GIGYF2: variants seen among roughly 807,000 people sequenced by gnomAD.
GIGYF2 encodes GRB10 interacting GYF protein 2, also known as GRB10-interacting GYF protein 2.
In GIGYF2, 25 loss-of-function variants were observed where a neutral mutation model predicts 208.1. The ratio of observed to expected loss-of-function variants is 0.12; its 90% confidence interval spans 0.09 to 0.17. GIGYF2 has a LOEUF of 0.17. GIGYF2 is among the 10% of genes least tolerant of loss of function. The pLI, the probability that GIGYF2 is intolerant of heterozygous loss-of-function variation, is 1.00. For synonymous variants in GIGYF2, 534 were observed against 543.8 expected, an observed-to-expected ratio of 0.98 and a Z score of 0.25; for missense variants, 1,302 against 1,579.4, an observed-to-expected ratio of 0.82 and a Z score of 2.98.
In GIGYF2 at chr2:232,777,421, C is replaced by T. The variant is rs976189915; in HGVS notation, c.533-9729C>T. 2.0e-5 allele frequency among the ~76,000 whole-genome samples: 3 copies of T among 152,118 alleles called. No homozygotes were observed. The East Asian group carries it at 5.8e-4, about 29-fold the overall frequency. ...TGGCTTTGTGCAGTGCCTTAGTGAA[C>T]AGTACTTTTCTCCTCCTCCGTTAGC... On this transcript the variant is annotated intron_variant, in intron 8 of 28. Coordinates refer to ENST00000373563, the MANE Select transcript of GIGYF2 (RefSeq NM_001103146.3).
At chr2:232,814,890 A>T (rs1427439941) in intron 18 of GIGYF2, among the ~76,000 whole-genome samples, 1 of 152,214 alleles carries the variant, frequency 6.6e-6, no homozygotes, top group Non-Finnish European at 1.5e-5. Context: ...GTATAAATAG[A>T]CTATGATAGG....
At chr2:232,745,260 G>A (rs1698108572) in intron 3 of GIGYF2, among the ~76,000 whole-genome samples, 1 of 152,132 alleles carries the variant, frequency 6.6e-6, no homozygotes, top group Non-Finnish European at 1.5e-5. Context: ...CAGAACCCAG[G>A]TTGTGGTATT....
rs1364219168 is a variant in GIGYF2 at position 232,857,933 on chromosome 2, AAC to A, written c.*1075_*1076del. ...AGTTGTTTGCCTTTTCTGAAAAGAG[AAC>A]ATACAGAACCTGTCCATCTTTAAGA... is the stretch of plus-strand genomic sequence containing the variant. On this transcript the variant is annotated 3_prime_UTR_variant, in exon 29 of 29. Coordinates refer to ENST00000373563, the MANE Select transcript of GIGYF2 (RefSeq NM_001103146.3). The A allele has an allele frequency of 6.5e-6, 1 of 152,750 alleles. No individual in the cohort carries two copies. The highest frequency in any genetic ancestry group is 1.5e-5 in the Non-Finnish European group (1 of 68,190). 9.5% of individuals were successfully genotyped at this position (152,750 alleles called of 1,614,324 possible).
intron 3 of GIGYF2, among the ~76,000 whole-genome samples, chr2:232,738,752 ATT>A (rs1697844404): frequency 6.6e-6 from 1 of 152,182 alleles, no homozygotes; most frequent in African/African-American, 2.4e-5. Flanking sequence ...CCCTTGAACA[ATT>A]TTGTTTTTAT....
At chr2:232,797,864 C>T (rs559638861) in intron 14 of GIGYF2, among the ~76,000 whole-genome samples, 26 of 151,890 alleles carry the variant, frequency 1.7e-4, no homozygotes, top group African/African-American at 6.0e-4. Context: ...GCCTGTAGTC[C>T]CAGCTACTTA....
chr2:232,812,328 C>T, intron 17 of GIGYF2, 63 bp from the exon 18 acceptor site: 1 of 770,642 alleles, frequency 1.3e-6, no homozygotes. Flanking sequence ...AATTCCTCTT[C>T]ATCTTTTTTT....
chr2:232,748,092 G>A (rs1475702126), intron 4 of GIGYF2, among the ~76,000 whole-genome samples: 1 of 152,042 alleles, frequency 6.6e-6, no homozygotes, highest in Non-Finnish European at 1.5e-5. Flanking sequence ...TATCCTACTT[G>A]CCACTTAAAA....
At chr2:232,698,648 G>A (rs1695713145) in intron 1 of GIGYF2, among the ~76,000 whole-genome samples, 3 of 152,190 alleles carry the variant, frequency 2.0e-5, no homozygotes, top group Admixed American at 2.0e-4. Context: ...TTTCTGATGT[G>A]CTCAAACTGG....
chr2:232,746,071 A>G (rs1039056373), intron 3 of GIGYF2, among the ~76,000 whole-genome samples: 1 of 152,096 alleles, frequency 6.6e-6, no homozygotes, highest in African/African-American at 2.4e-5. Flanking sequence ...TAGGTTGGGC[A>G]ATATAGTGAG....
rs556987418 is a variant in GIGYF2 at position 232,790,808 on chromosome 2, A to C, written c.823A>C (p.Ser275Arg). ...ERGYRRVRSG[S>R]GSIDDDRDSL... ...GGGTTACCGAAGGGTTCGCTCTGGC[A>C]GTGGGAGCATAGATGATGACAGGGA... The change falls in exon 10 of 29, where the codon AGT becomes CGT. Residue 275 changes from serine to arginine, a missense_variant. Coordinates refer to ENST00000373563, the MANE Select transcript of GIGYF2 (RefSeq NM_001103146.3). 5.0e-6 allele frequency: 8 copies of C among 1,614,092 alleles called. No individual in the cohort carries two copies. The South Asian group carries it at 7.7e-5, about 16-fold the overall frequency.
chr2:232,800,854 C>T (rs1056968464), intron 14 of GIGYF2, among the ~76,000 whole-genome samples: 1 of 152,070 alleles, frequency 6.6e-6, no homozygotes, highest in Non-Finnish European at 1.5e-5. Context: ...AGTTTGAGAT[C>T]AGCCTGGGCA....
chr2:232,844,294 T>G (rs1158590525), intron 24 of GIGYF2, 39 bp downstream of exon 24: 1 of 1,611,878 alleles, frequency 6.2e-7, no homozygotes, highest in South Asian at 1.1e-5. Context: ...TATGGACTAG[T>G]ATTATCTTTT....
chr2:232,750,766 T>G (rs1489223787), intron 5 of GIGYF2, among the ~76,000 whole-genome samples: 1 of 151,780 alleles, frequency 6.6e-6, no homozygotes, highest in African/African-American at 2.4e-5. Context: ...TGTGTATGTT[T>G]GTGTGTGTGT....
chr2:232,703,908 G>T (rs1398932796), intron 2 of GIGYF2, among the ~76,000 whole-genome samples: 2 of 152,168 alleles, frequency 1.3e-5, no homozygotes, highest in African/African-American at 4.8e-5. Flanking sequence ...AATTGTATTT[G>T]TGCAGTCTGG....
At chr2:232,805,414 T>A (rs1413970318) in intron 14 of GIGYF2, among the ~76,000 whole-genome samples, 1 of 152,208 alleles carries the variant, frequency 6.6e-6, no homozygotes, top group East Asian at 1.9e-4. Flanking sequence ...TTCCTGCATC[T>A]TCTATGTGTA....
intron 1 of GIGYF2, among the ~76,000 whole-genome samples, chr2:232,697,886 G>A (rs576355531): frequency 6.6e-6 from 1 of 152,358 alleles, no homozygotes; most frequent in South Asian, 2.1e-4. Context: ...TGGTCCCTGG[G>A]AGGTGCGCTC....
intron 5 of GIGYF2, among the ~76,000 whole-genome samples, chr2:232,750,090 C>T (rs1477668677): frequency 6.6e-6 from 1 of 151,962 alleles, no homozygotes; most frequent in East Asian, 1.9e-4. Context: ...GAGGCTGAGG[C>T]AGGAGAATCG....
At chr2:232,804,742 C>G (rs572043182) in intron 14 of GIGYF2, among the ~76,000 whole-genome samples, 13 of 152,308 alleles carry the variant, frequency 8.5e-5, no homozygotes, top group African/African-American at 2.9e-4. Flanking sequence ...ATCTACCCAC[C>G]TTGGCCTCCT....
chr2:232,800,647 T>C (rs558340751), intron 14 of GIGYF2, among the ~76,000 whole-genome samples: 3 of 151,908 alleles, frequency 2.0e-5, no homozygotes, highest in Non-Finnish European at 4.4e-5. Context: ...TGCAGTGGTA[T>C]GATAATGGCT....
Sources: allele counts gnomAD v4.1 joint callset (sites outside exome capture counted in the v4.1 genomes callset), GRCh38; gene constraint gnomAD v4.1.1; transcripts MANE v1.5; gene names NCBI Gene and HGNC (gene_info 2026-07-23, HGNC 2026-07-21).